The following PDE1C variants were observed in gnomAD, a reference collection of about 807,000 sequenced individuals.
PDE1C encodes the protein phosphodiesterase 1C.
In PDE1C, 62 loss-of-function variants were observed where a neutral mutation model predicts 93.1. The ratio of observed to expected loss-of-function variants is 0.67; its 90% CI spans 0.54 to 0.82. The LOEUF is 0.82. PDE1C is among the 40% of genes least tolerant of loss of function. PDE1C has a pLI of 0.00. For missense variants in PDE1C, 742 were observed against 884.6 expected (o/e 0.84, Z 2.04); for synonymous variants, 325 against 310.1 (o/e 1.05, Z -0.50).
At chr7:31,692,083 A>G in the PDE1C span, among the ~76,000 whole-genome samples, 1 of 152,214 alleles carries the variant, frequency 6.6e-6, no homozygotes, top group Non-Finnish European at 1.5e-5. Context: ...TGTGACTCTC[A>G]GCTAATTCAC....
intron 2 of PDE1C, among the ~76,000 whole-genome samples, chr7:32,020,923 T>C (rs1788578265): frequency 1.3e-5 from 2 of 152,232 alleles, no homozygotes; most frequent in South Asian, 4.1e-4. Flanking sequence ...ACCTGTGACA[T>C]AGTTGGGGCA....
intron 2 of PDE1C, among the ~76,000 whole-genome samples, chr7:32,206,197 T>A (rs73106524): frequency 6.6e-6 from 1 of 151,686 alleles, no homozygotes; most frequent in Admixed American, 6.6e-5. Context: ...GTAGGAGACC[T>A]TTGAGGATAT....
intron 1 of PDE1C, among the ~76,000 whole-genome samples, chr7:32,340,058 G>C (rs1326544039): frequency 1.3e-5 from 2 of 152,122 alleles, no homozygotes; most frequent in Admixed American, 1.3e-4. Context: ...TTTATGGGAA[G>C]TAAGGGCATG....
intron 1 of PDE1C, among the ~76,000 whole-genome samples, chr7:32,054,170 A>T (rs961517542): frequency 6.6e-6 from 1 of 151,972 alleles, no homozygotes; most frequent in Non-Finnish European, 1.5e-5. Context: ...CGCATTACAC[A>T]CCCTCTTCTG....
chr7:32,153,629 T>C (rs1801391727), intron 3 of PDE1C, among the ~76,000 whole-genome samples: 1 of 152,232 alleles, frequency 6.6e-6, no homozygotes, highest in South Asian at 2.1e-4. Context: ...AAGTCTACTA[T>C]GCAGCCTGAG....
intron 2 of PDE1C, among the ~76,000 whole-genome samples, chr7:31,920,617 G>T (rs1410726591): frequency 6.6e-6 from 1 of 152,094 alleles, no homozygotes; most frequent in Non-Finnish European, 1.5e-5. Flanking sequence ...CTATGGAGTT[G>T]TAAAAAATAA....
intron 3 of PDE1C, among the ~76,000 whole-genome samples, chr7:32,111,316 A>G (rs1332980517): frequency 6.6e-6 from 1 of 152,230 alleles, no homozygotes; most frequent in Non-Finnish European, 1.5e-5. Flanking sequence ...GAGACACTAA[A>G]GACAGTAGGT....
chr7:31,661,866 C>A, the PDE1C span, among the ~76,000 whole-genome samples: 2 of 152,156 alleles, frequency 1.3e-5, no homozygotes, highest in African/African-American at 4.8e-5. Flanking sequence ...TTCCCCGAGT[C>A]TCTCTCCTTG....
At chr7:31,642,773 G>C in the PDE1C span, 6 of 1,614,006 alleles carry the variant, frequency 3.7e-6, no homozygotes, top group Non-Finnish European at 5.1e-6. Context: ...TCCCAGGACT[G>C]TCAGCTAGAG....
At chr7:31,787,776 C>G (rs1437508006) in intron 16 of PDE1C, 3 of 152,130 alleles carry the variant, frequency 2.0e-5, no homozygotes, top group African/African-American at 4.8e-5. Context: ...ATTAAAAGAC[C>G]GCAGAAAATA....
In PDE1C at chr7:32,169,916, A is replaced by T. The variant is rs1194929679; in HGVS notation, c.177T>A (p.Asp59Glu). 1.9e-6 allele frequency: 3 copies of T among 1,612,568 alleles called. No individual in the cohort carries two copies. The African/African-American group carries it at 4.0e-5, about 22-fold the overall frequency. The stretch of plus-strand genomic sequence containing the variant: ...TCTCCTTGACATTCCCTGTGAGCCC[A>T]TCGATGAGGGAGTTCCACAGACAGT... Residue 59 changes from aspartate (D) to glutamate (E), a missense_variant, in exon 3 of 19, where the codon GAT becomes GAA. Coordinates refer to the PDE1C transcript ENST00000396193.
In PDE1C at chr7:31,809,033, T is replaced by C. The variant is rs764890136; in HGVS notation, c.1889A>G (p.Asp630Gly). The C allele has an allele frequency of 5.2e-6, 8 of 1,543,084 alleles. No homozygotes were observed. The highest frequency in any genetic ancestry group is 5.0e-5 in the Admixed American group (3 of 59,718). The change falls in exon 16 of 18, where the codon GAT becomes GGT. Residue 630 changes from aspartate (D) to glycine (G), a missense_variant and splice_region_variant. Physicochemically the swap from Asp to Gly is moderately conservative, Grantham distance 94. Transcript: ENST00000396191. ...TGTAATGAGAATAATACTCTTACCA[T>C]CTGTTTTCTTTGAATCATTTCCGAT... Reference protein sequence around the residue: ...SNIGNDSKKTDGTKQRSHGSP... With the variant: ...SNIGNDSKKTGGTKQRSHGSP...
chr7:31,855,774 T>C (rs17160618), intron 7 of PDE1C, among the ~76,000 whole-genome samples: 56,735 of 142,002 alleles, frequency 0.4, 11,326 homozygotes, highest in Admixed American at 0.45. Context: ...AAATAAGATA[T>C]GCAGCTTCTC....
chr7:32,395,362 A>G (rs543186527), intron 1 of PDE1C, among the ~76,000 whole-genome samples: 1 of 152,292 alleles, frequency 6.6e-6, no homozygotes, highest in South Asian at 2.1e-4. Context: ...AGAAAAGTAA[A>G]AGATTTCCAG....
chr7:32,005,227 A>G (rs1786035761), intron 2 of PDE1C, among the ~76,000 whole-genome samples: 1 of 152,084 alleles, frequency 6.6e-6, no homozygotes, highest in Non-Finnish European at 1.5e-5. Flanking sequence ...GTGCCCACTC[A>G]CATCATCTCA....
chr7:32,108,230 C>CAAAAAAAAAAAAAAAAAA (rs71559210), intron 3 of PDE1C, among the ~76,000 whole-genome samples: 2 of 77,058 alleles, frequency 2.6e-5, no homozygotes, highest in Non-Finnish European at 4.9e-5. Flanking sequence ...AAAAGCAAGA[C>CAAAAAAAAAAAAAAAAAA]AAAAAAAAAA....
At chr7:31,940,625 T>C (rs930599797) in intron 2 of PDE1C, among the ~76,000 whole-genome samples, 2 of 152,104 alleles carry the variant, frequency 1.3e-5, no homozygotes, top group Non-Finnish European at 2.9e-5. Flanking sequence ...CTGAGGCATT[T>C]AGAAGAGTGA....
At chr7:31,841,227 C>CTCTCTCTCTCTCTCTATA (rs751320538) in intron 9 of PDE1C, among the ~76,000 whole-genome samples, 1 of 142,284 alleles carries the variant, frequency 7.0e-6, no homozygotes, top group East Asian at 2.1e-4. Context: ...CTCTCTCTCT[C>CTCTCTCTCTCTCTCTATA]TATATATATA....
At chr7:32,377,710 G>A (rs922990543) in intron 1 of PDE1C, among the ~76,000 whole-genome samples, 5 of 152,158 alleles carry the variant, frequency 3.3e-5, no homozygotes, top group Non-Finnish European at 7.4e-5. Flanking sequence ...GGAGAATTGA[G>A]ACACAAAGAG....
Sources: gnomAD v4.1 joint callset for allele counts (sites outside exome capture counted in the v4.1 genomes callset) on GRCh38, gnomAD v4.1.1 for gene constraint, MANE v1.5 for transcripts, NCBI Gene and HGNC (gene_info 2026-07-23, HGNC 2026-07-21) for gene names.